The following PLD5 variants were observed in gnomAD, a reference collection of about 807,000 sequenced individuals.
PLD5 encodes the protein phospholipase D family member 5.
Under a neutral mutation model 61.1 loss-of-function variants are expected in PLD5, and 36 were observed. The observed-to-expected ratio is 0.59, with a 90% confidence interval of 0.45 to 0.78. The LOEUF (loss-of-function observed/expected upper bound fraction) is 0.78. PLD5 is among the 30% of genes least tolerant of loss of function. The pLI is 0.00. For synonymous variants in PLD5, 243 were observed against 242.8 expected (o/e 1.00, Z -0.01); for missense variants, 515 against 644.4 (o/e 0.80, Z 2.17).
intron 1 of PLD5, among the ~76,000 whole-genome samples, chr1:242,515,109 C>G (rs772889040): frequency 2.6e-5 from 4 of 152,092 alleles, no homozygotes; most frequent in Non-Finnish European, 5.9e-5. Context: ...TATTAGCTCC[C>G]CAGAAGCCTC....
upstream of PLD5, among the ~76,000 whole-genome samples, chr1:242,529,560 C>G (rs1197101908): frequency 6.6e-6 from 1 of 152,156 alleles, no homozygotes; most frequent in African/African-American, 2.4e-5. Flanking sequence ...CAGGGTGGCT[C>G]AACTCTAAAT....
intron 1 of PLD5, among the ~76,000 whole-genome samples, chr1:242,445,524 T>C (rs1666490562): frequency 6.6e-6 from 1 of 152,086 alleles, no homozygotes; most frequent in Admixed American, 6.6e-5. Context: ...GTATTTTTAT[T>C]AGAGACGGGG....
chr1:242,438,452 T>C (rs915514548), intron 1 of PLD5, among the ~76,000 whole-genome samples: 4 of 148,130 alleles, frequency 2.7e-5, no homozygotes, highest in African/African-American at 9.8e-5. Context: ...TTTTTTTTTT[T>C]TTTTTTTTTG....
In PLD5 at chr1:242,524,117, A is replaced by G; in HGVS notation, c.160T>C (p.Trp54Arg). Residue 54 changes from tryptophan to arginine, a missense_variant, in exon 1 of 10, where the codon TGG (tryptophan) becomes CGG (arginine). Trp to Arg is a moderately radical substitution (Grantham distance 101). This residue lies in a region of PLD5 where 450 missense variants were observed against 598.1 expected (regional missense o/e 0.75). Coordinates refer to ENST00000536534, the MANE Select transcript of PLD5 (RefSeq NM_001372062.1). ...VKQQDYSASV[W>R]LRRKDKLEHS... is the part of the protein sequence containing the mutation. ...TCCAGCTTGTCTTTCCTCCGAAGCC[A>G]GACGCTGGCGCTGTAGTCCTGCTGC... 2 of 1,535,244 alleles carry G rather than the reference A, an allele frequency of 1.3e-6. No individual in the cohort carries two copies. The highest frequency in any genetic ancestry group is 1.7e-6 in the Non-Finnish European group (2 of 1,146,390).
rs76379225 is a variant in PLD5, at chr1:242,288,303, C to T, written c.495+59G>A. 1.1e-3 allele frequency: 1,682 copies of T among 1,584,860 alleles called. 24 individuals are homozygous for T. In the East Asian group the frequency reaches 0.03, roughly 28 times the overall value. ...GTTTGAGGAGTGGAGGAGCAGAATA[C>T]TAAGGAGTGGAAAATGCACATAAGT... is the stretch of plus-strand genomic sequence containing the variant. On this transcript the variant is annotated intron_variant, in intron 3 of 9. Coordinates refer to ENST00000536534, the MANE Select transcript of PLD5 (RefSeq NM_001372062.1).
At chr1:242,389,851 A>C (rs1662821473) in intron 1 of PLD5, among the ~76,000 whole-genome samples, 1 of 152,064 alleles carries the variant, frequency 6.6e-6, no homozygotes. Context: ...CACTAAACCT[A>C]AATATAGGCT....
upstream of PLD5, among the ~76,000 whole-genome samples, chr1:242,528,529 A>C (rs1361247823): frequency 1.3e-5 from 2 of 151,950 alleles, no homozygotes; most frequent in Admixed American, 1.3e-4. Context: ...CATTGTCATA[A>C]AATTTAAGAC....
At chr1:242,241,869 C>CTATA (rs752113161) in intron 4 of PLD5, among the ~76,000 whole-genome samples, 259 of 70,566 alleles carry the variant, frequency 3.7e-3, no homozygotes, top group Admixed American at 5.2e-3. Flanking sequence ...GCTTTACTTA[C>CTATA]TATATATATA....
intron 5 of PLD5, among the ~76,000 whole-genome samples, chr1:242,146,634 G>A (rs1238760054): frequency 2.0e-5 from 3 of 151,910 alleles, no homozygotes; most frequent in Admixed American, 6.6e-5. Context: ...TTTTTCTAGA[G>A]TTATTTTTAT....
chr1:242,305,587 T>C (rs566603980), intron 2 of PLD5, among the ~76,000 whole-genome samples: 1 of 151,630 alleles, frequency 6.6e-6, no homozygotes. Flanking sequence ...TGAGACGGAG[T>C]CTTGCTCTGT....
chr1:242,152,333 C>G (rs1664991570), intron 5 of PLD5, among the ~76,000 whole-genome samples: 1 of 151,954 alleles, frequency 6.6e-6, no homozygotes, highest in African/African-American at 2.4e-5. Context: ...TTGGACCCAT[C>G]TGTATAATTA....
At chr1:242,407,567 T>TTG (rs1664308558) in intron 1 of PLD5, among the ~76,000 whole-genome samples, 1 of 145,498 alleles carries the variant, frequency 6.9e-6, no homozygotes, top group African/African-American at 2.6e-5. Flanking sequence ...TTTTGTTTTT[T>TTG]TTTTTTTTTT....
At chr1:242,215,908 AC>A (rs759541081) in intron 5 of PLD5, among the ~76,000 whole-genome samples, 3 of 152,214 alleles carry the variant, frequency 2.0e-5, no homozygotes, top group Non-Finnish European at 4.4e-5. Flanking sequence ...TGTACCTGCT[AC>A]ACTCTATTAA....
At chr1:242,121,733 G>C (rs1277837255) in intron 6 of PLD5, among the ~76,000 whole-genome samples, 16 of 152,050 alleles carry the variant, frequency 1.1e-4, no homozygotes, top group Non-Finnish European at 2.1e-4. Context: ...AAATGTGACA[G>C]ATATACACCA....
intron 5 of PLD5, among the ~76,000 whole-genome samples, chr1:242,152,367 T>A (rs542298434): frequency 6.6e-6 from 1 of 152,248 alleles, no homozygotes; most frequent in East Asian, 1.9e-4. Context: ...ATTTTTTTTC[T>A]TATTACACTT....
Position 242,085,869 on chromosome 1 carries a change from C to A in PLD5, c.*3985G>T, listed in dbSNP as rs902421330. 7.8e-6 allele frequency: 1 copy of A among 128,714 alleles called. No homozygotes were observed. Among genetic ancestry groups the A allele is most frequent in the Admixed American group, 7.7e-5 (1 of 13,056 alleles). The allele number at this position is 128,714 out of a possible 1,614,324, so 8.0% of individuals were successfully genotyped here. On this transcript the variant is annotated 3_prime_UTR_variant, in exon 10 of 10. Transcript: ENST00000536534. Reference sequence around the variant, plus strand: ...ACAGAAACACACACCAGTGGTCATACGTGTGGAAAAAAAAAAAAGTTAATT... The same window carrying A: ...ACAGAAACACACACCAGTGGTCATAAGTGTGGAAAAAAAAAAAAGTTAATT...
Position 242,524,225 on chromosome 1 carries a change from C to G in PLD5, c.52G>C (p.Glu18Gln), listed in dbSNP as rs1669371581. 2.0e-6 allele frequency: 3 copies of G among 1,529,196 alleles called. No homozygotes were observed. The highest frequency in any genetic ancestry group is 2.6e-6 in the Non-Finnish European group (3 of 1,143,692). The allele number at this position is 1,529,196 out of a possible 1,614,324, so 94.7% of individuals were successfully genotyped here. The change falls in exon 1 of 10, where the codon GAG (glutamate) becomes CAG (glutamine). Residue 18 changes from glutamate (E) to glutamine (Q), a missense_variant. Transcript: ENST00000536534. Reference protein sequence around the residue: ...WLSASPHEGFEQMRLKSRPKE... With the variant: ...WLSASPHEGFQQMRLKSRPKE... Reference sequence around the variant, plus strand: ...GGGCGGCTTTTGAGCCTCATCTGCTCGAAGCCCTCATGGGGGGAGGCCGAG... The same window carrying G: ...GGGCGGCTTTTGAGCCTCATCTGCTGGAAGCCCTCATGGGGGGAGGCCGAG...
At position 242,476,622 on chromosome 1, in the gene PLD5, T is replaced by A. The variant is rs114730067; in HGVS notation, c.189+47466A>T. Among the ~76,000 whole-genome samples the A allele has an allele frequency of 6.9e-3, 1,052 of 152,070 alleles. 16 individuals are homozygous for A. Among genetic ancestry groups the A allele is most frequent in the African/African-American group, 0.024 (986 of 41,432 alleles). ...ATTACAGACAGCACTAAGATCTACATTTAAGAGCTCAAAACACTTCCATAA... is the reference window on the plus strand; with the variant it reads ...ATTACAGACAGCACTAAGATCTACAATTAAGAGCTCAAAACACTTCCATAA... On this transcript the variant is annotated intron_variant, in intron 1 of 9. Coordinates refer to ENST00000536534, the MANE Select transcript of PLD5 (RefSeq NM_001372062.1).
intron 5 of PLD5, among the ~76,000 whole-genome samples, chr1:242,145,704 G>A (rs1038141943): frequency 1.3e-5 from 2 of 152,064 alleles, no homozygotes; most frequent in African/African-American, 4.8e-5. Flanking sequence ...TTTCTGTCTC[G>A]CCCTGTTGCC....
Sources: gnomAD v4.1 joint callset for allele counts (sites outside exome capture counted in the v4.1 genomes callset) on GRCh38, gnomAD v4.1.1 for gene constraint, gnomAD v4.1.1 regional missense constraint, MANE v1.5 for transcripts, NCBI Gene and HGNC (gene_info 2026-07-23, HGNC 2026-07-21) for gene names.